BRF1: variants seen among roughly 807,000 people sequenced by gnomAD.
The protein encoded by BRF1 is transcription factor IIIB 90 kDa subunit.
A neutral mutation model predicts 81.7 loss-of-function variants in BRF1; 59 were observed. The ratio of observed to expected loss-of-function variants is 0.72; its 90% CI spans 0.59 to 0.90. BRF1 has a LOEUF of 0.90. Ranked by LOEUF, BRF1 falls within the 40% of genes least tolerant of loss-of-function variation. The pLI is 0.00. For synonymous variants in BRF1, 491 were observed against 395.6 expected, an observed-to-expected ratio of 1.24 and a Z score of -2.86; for missense variants, 1,050 against 936.3, an observed-to-expected ratio of 1.12 and a Z score of -1.58.
Position 105,281,970 on chromosome 14 carries a change from G to A in BRF1, c.265+4326C>T, listed in dbSNP as rs936970829. Among the ~76,000 whole-genome samples the A allele has an allele frequency of 4.6e-5, 7 of 152,058 alleles. 1 individual carries two copies. In the South Asian group the frequency reaches 1.5e-3, roughly 32 times the overall value. On this transcript the variant is annotated intron_variant, in intron 2 of 17. Coordinates refer to ENST00000547530, the MANE Select transcript of BRF1 (RefSeq NM_001519.4). ...GAAAAAGAATTTCCCTGAGAAACGCGTCCCAAACGAAAGGCTCATCAGGTC... is the reference window on the plus strand; with the variant it reads ...GAAAAAGAATTTCCCTGAGAAACGCATCCCAAACGAAAGGCTCATCAGGTC...
At chr14:105,249,407 A>T in intron 5 of BRF1, 1 of 1,613,486 alleles carries the variant, frequency 6.2e-7, no homozygotes, top group Non-Finnish European at 8.5e-7. Flanking sequence ...TGTTCTACGG[A>T]GACCTGGCGG....
intron 3 of BRF1, among the ~76,000 whole-genome samples, chr14:105,260,017 C>T (rs117108680): frequency 0.014 from 2,133 of 152,250 alleles, 22 homozygotes; most frequent in Non-Finnish European, 0.021. Context: ...ATGGAAACAG[C>T]GGTTGCCTTT....
At chr14:105,242,735 C>CAAAAAAA (rs753645207) in intron 5 of BRF1, 2 of 38,908 alleles carry the variant, frequency 5.1e-5, no homozygotes, top group Non-Finnish European at 8.3e-5. Context: ...AGTTCTGACT[C>CAAAAAAA]AAAAAAAAAA....
Position 105,269,355 on chromosome 14 carries a change from C to T in BRF1, c.439+3366G>A, listed in dbSNP as rs936935068. Among the ~76,000 whole-genome samples the T allele has an allele frequency of 3.9e-5, 6 of 152,146 alleles. No homozygotes were observed. In the East Asian group the frequency reaches 9.6e-4, roughly 24 times the overall value. ...CCAGAGGGGATAGAGTGCGGCCTCC[C>T]GTGAGCACAGTCCTGTTCCAAGCTG... On this transcript the variant is annotated intron_variant, in intron 3 of 17. Coordinates refer to ENST00000547530, the MANE Select transcript of BRF1 (RefSeq NM_001519.4). This position sits in a 1 kb window ranked among gnomAD's most constrained non-coding sequence, Gnocchi z 5.0.
At chr14:105,215,755 G>A (rs1891078634) in intron 15 of BRF1, among the ~76,000 whole-genome samples, 2 of 93,800 alleles carry the variant, frequency 2.1e-5, no homozygotes, top group Admixed American at 1.3e-4. Flanking sequence ...ACAGACACAG[G>A]CACATACACA....
chr14:105,243,038 C>T lies in BRF1; in HGVS notation c.545-1624G>A, dbSNP rs996670077. Among the ~76,000 whole-genome samples the T allele has an allele frequency of 5.9e-5, 9 of 152,106 alleles. No individual in the cohort carries two copies. In the East Asian group the frequency reaches 1.2e-3, roughly 20 times the overall value. ...GGCTGAGGCAGGAGAATCGCTTGAA[C>T]CTAGGAGGCGGAGATTGCAGTGAGC... On this transcript the variant is annotated intron_variant, in intron 5 of 17. Transcript: ENST00000547530.
Position 105,228,964 on chromosome 14 carries a change from A to G in BRF1, c.695-51T>C, listed in dbSNP as rs1451640000. Reference sequence around the variant, plus strand: ...TCAACCACGGCTGGGAACCAGGGCAACATCTGTGGCGGCCCAGGACAACAC... The same window carrying G: ...TCAACCACGGCTGGGAACCAGGGCAGCATCTGTGGCGGCCCAGGACAACAC... On this transcript the variant is annotated intron_variant, in intron 6 of 17. Coordinates refer to ENST00000547530, the MANE Select transcript of BRF1 (RefSeq NM_001519.4). 3.2e-6 allele frequency: 5 copies of G among 1,555,506 alleles called. No homozygotes were observed. The South Asian group carries it at 4.4e-5, about 14-fold the overall frequency.
chr14:105,219,844 GC>G (rs1566804305), intron 12 of BRF1: 12 of 588,210 alleles, frequency 2.0e-5, no homozygotes, highest in Non-Finnish European at 3.0e-5. Context: ...AGGACCAGGC[GC>G]AAAGCCAGGG....
intron 5 of BRF1, chr14:105,247,080 T>C (rs2055172862): frequency 2.0e-6 from 2 of 985,482 alleles, no homozygotes; most frequent in Non-Finnish European, 2.4e-6. Context: ...CCTTTTTCTA[T>C]GGAAACAGAC....
intron 1 of BRF1, among the ~76,000 whole-genome samples, chr14:105,313,420 C>T (rs1237044591): frequency 6.6e-6 from 1 of 152,248 alleles, no homozygotes; most frequent in African/African-American, 2.4e-5. Flanking sequence ...GACAGACCCT[C>T]ATGGCTCTCA....
intron 3 of BRF1, among the ~76,000 whole-genome samples, chr14:105,265,054 G>GTTTTTTTTTTTTTTTTTTTTTTTTT: frequency 7.7e-6 from 1 of 130,110 alleles, no homozygotes. Flanking sequence ...CCTTTTTTTT[G>GTTTTTTTTTTTTTTTTTTTTTTTTT]TTTTTTTTTT....
chr14:105,296,345 C>G (rs1317166102), intron 1 of BRF1, among the ~76,000 whole-genome samples: 1 of 151,978 alleles, frequency 6.6e-6, no homozygotes, highest in Admixed American at 6.6e-5. Flanking sequence ...AACCCCGCCT[C>G]TGCTAAAAAT....
At chr14:105,229,175 A>G (rs755072695) in intron 6 of BRF1, among the ~76,000 whole-genome samples, 3 of 152,232 alleles carry the variant, frequency 2.0e-5, no homozygotes, top group Non-Finnish European at 4.4e-5. Context: ...GCTTCACGTA[A>G]TCCCTCAAAG....
At chr14:105,313,218 G>A (rs776482519) in intron 1 of BRF1, among the ~76,000 whole-genome samples, 2 of 152,186 alleles carry the variant, frequency 1.3e-5, no homozygotes, top group African/African-American at 4.8e-5. Context: ...CTGCACGCTC[G>A]CCAGGTCCAG....
At chr14:105,287,352 CCAA>C (rs1217313703) in intron 1 of BRF1, among the ~76,000 whole-genome samples, 1 of 152,188 alleles carries the variant, frequency 6.6e-6, no homozygotes, top group Admixed American at 6.5e-5. Context: ...GCCTGATCTT[CCAA>C]CGAGAACAGT....
intron 5 of BRF1, 114 bp from the exon 6 acceptor site, chr14:105,241,528 C>A (rs1172042831): frequency 1.5e-6 from 2 of 1,362,290 alleles, no homozygotes; most frequent in African/African-American, 1.4e-5. Context: ...GGCCCCCAGG[C>A]CCCCCACCAG....
Position 105,315,254 on chromosome 14 carries a change from G to T in BRF1, c.-162+68C>A. The stretch of plus-strand genomic sequence containing the variant: ...CCAGGTCCCGAGCACCGGGGGCCGC[G>T]CTCAGCTTCCGAGGACCCGGTGCTG... On this transcript the variant is annotated intron_variant, in intron 1 of 17. Transcript: ENST00000327359. The surrounding 1 kb of genome is among the most constrained non-coding windows in gnomAD (Gnocchi z 4.4). The T allele has an allele frequency of 5.9e-6, 1 of 170,232 alleles. No homozygotes were observed. Among genetic ancestry groups the T allele is most frequent in the Non-Finnish European group, 1.2e-5 (1 of 82,340 alleles). 10.5% of individuals were successfully genotyped at this position (170,232 alleles called of 1,614,324 possible).
At chr14:105,274,743 A>T (rs968185583) in intron 2 of BRF1, among the ~76,000 whole-genome samples, 1 of 152,114 alleles carries the variant, frequency 6.6e-6, no homozygotes, top group Non-Finnish European at 1.5e-5. Context: ...CTGTGTGGGG[A>T]GCACCTGGGC....
chr14:105,262,530 G>C (rs1252162660), intron 3 of BRF1, among the ~76,000 whole-genome samples: 1 of 152,196 alleles, frequency 6.6e-6, no homozygotes, highest in Non-Finnish European at 1.5e-5. Context: ...AGTACACCCT[G>C]AATAATCTAG....
Sources: allele counts gnomAD v4.1 joint callset (sites outside exome capture counted in the v4.1 genomes callset), GRCh38; gene constraint gnomAD v4.1.1; non-coding constraint Gnocchi (gnomAD v3.1); transcripts MANE v1.5; gene names NCBI Gene and HGNC (gene_info 2026-07-23, HGNC 2026-07-21).